SIRPB2: variants seen among roughly 807,000 people sequenced by gnomAD.
SIRPB2 encodes signal-regulatory protein beta-2.
SIRPB2 carries 18 observed loss-of-function variants against 27.1 expected under a neutral mutation model. The observed-to-expected ratio is 0.66, with a 90% CI of 0.46 to 0.98. The LOEUF (loss-of-function observed/expected upper bound fraction) is 0.98. Among genes scored for constraint, SIRPB2 ranks in the 50% least tolerant of loss-of-function variants. The pLI, the probability that SIRPB2 is intolerant of heterozygous loss-of-function variation, is 0.00. For synonymous variants in SIRPB2, 150 were observed against 164.6 expected, an observed-to-expected ratio of 0.91 and a Z score of 0.68; for missense variants, 420 against 417.4, an observed-to-expected ratio of 1.01 and a Z score of -0.06.
intron 1 of SIRPB2, among the ~76,000 whole-genome samples, chr20:1,488,578 A>T (rs1326672527): frequency 6.6e-6 from 1 of 151,992 alleles, no homozygotes; most frequent in East Asian, 1.9e-4. Context: ...AGCCAGGGAG[A>T]TGGAGGTTGC....
Position 1,475,852 on chromosome 20 carries a change from T to G in SIRPB2, c.*315A>C. ...GTTGGATGTTGGAGGCCAAGAAGGA[T>G]GTAGCGAGGTGGGGAAAGGGGCAGG... On this transcript the variant is annotated 3_prime_UTR_variant, in exon 5 of 5. Coordinates refer to ENST00000359801, the MANE Select transcript of SIRPB2 (RefSeq NM_001122962.2). 1 of 259,004 alleles carries G rather than the reference T, an allele frequency of 3.9e-6. No individual in the cohort carries two copies. The highest frequency in any genetic ancestry group is 7.4e-6 in the Non-Finnish European group (1 of 134,994). The allele number at this position is 259,004 out of a possible 1,614,324, so 16.0% of individuals were successfully genotyped here.
chr20:1,479,248 G>A (rs914567669), intron 2 of SIRPB2: 1 of 185,540 alleles, frequency 5.4e-6, no homozygotes, highest in South Asian at 1.1e-4. Context: ...GGGGAGTGTG[G>A]TAGATGACAT....
intron 1 of SIRPB2, among the ~76,000 whole-genome samples, chr20:1,490,222 G>A (rs1306811648): frequency 6.6e-6 from 1 of 152,202 alleles, no homozygotes; most frequent in East Asian, 1.9e-4. Context: ...AATCAGCTTA[G>A]AGAATTGAAG....
chr20:1,471,837 G>C (rs1212291993), downstream of SIRPB2, among the ~76,000 whole-genome samples: 1 of 152,188 alleles, frequency 6.6e-6, no homozygotes, highest in East Asian at 1.9e-4. Flanking sequence ...GAAATGGAGG[G>C]TCCTCGAGCC....
intron 1 of SIRPB2, among the ~76,000 whole-genome samples, chr20:1,485,672 C>CACACACACACACACACACACAG (rs1309151106): frequency 1.3e-5 from 2 of 150,970 alleles, no homozygotes; most frequent in African/African-American, 4.9e-5. Context: ...CACACACACA[C>CACACACACACACACACACACAG]AGAAAAAATC....
At position 1,474,997 on chromosome 20, in the gene SIRPB2, G is replaced by A. The variant is rs2090595396; in HGVS notation, c.*1170C>T. ...AGGAGGCAGAGGCCTCAGGGTTAAA[G>A]GCAGGTGTGTCTGACTCCTGGGCAT... On this transcript the variant is annotated 3_prime_UTR_variant, in exon 5 of 5. Transcript: ENST00000359801. 1 of 152,290 alleles carries A rather than the reference G, an allele frequency of 6.6e-6. No homozygotes were observed. Among genetic ancestry groups the A allele is most frequent in the African/African-American group, 2.4e-5 (1 of 41,438 alleles). 9.4% of individuals were successfully genotyped at this position (152,290 alleles called of 1,614,324 possible).
chr20:1,486,076 CT>C (rs200298743), intron 1 of SIRPB2, among the ~76,000 whole-genome samples: 2,700 of 141,410 alleles, frequency 0.019, 69 homozygotes, highest in East Asian at 0.12. Context: ...CTTTTCTTTT[CT>C]TTTTTTTTTT....
intron 1 of SIRPB2, among the ~76,000 whole-genome samples, chr20:1,486,349 A>C (rs527770138): frequency 6.6e-6 from 1 of 152,244 alleles, no homozygotes; most frequent in Admixed American, 6.5e-5. Context: ...CTGGGATTGC[A>C]GGCATGAGTC....
At position 1,478,729 on chromosome 20, in the gene SIRPB2, T is replaced by C. The variant is rs529175467; in HGVS notation, c.452-122A>G. The C allele has an allele frequency of 2.5e-4, 199 of 787,360 alleles. No individual in the cohort carries two copies. The African/African-American group carries it at 3.1e-3, about 12-fold the overall frequency. 48.8% of individuals were successfully genotyped at this position (787,360 alleles called of 1,614,324 possible). The stretch of plus-strand genomic sequence containing the variant: ...ATTTCTTCACTCAGCCACTCCTTCC[T>C]GCTTTCTTTATTACTCACCAGTTGA... On this transcript the variant is annotated intron_variant, in intron 2 of 4. Transcript: ENST00000359801.
chr20:1,482,253 C>T (rs183319566), intron 1 of SIRPB2, among the ~76,000 whole-genome samples: 54 of 152,216 alleles, frequency 3.5e-4, no homozygotes, highest in African/African-American at 1.3e-3. Flanking sequence ...TGCAGGTCCT[C>T]TTTCCTAGCT....
intron 1 of SIRPB2, among the ~76,000 whole-genome samples, chr20:1,482,095 T>C (rs1487551717): frequency 6.6e-6 from 1 of 152,190 alleles, no homozygotes; most frequent in Non-Finnish European, 1.5e-5. Flanking sequence ...CATTCTATTG[T>C]GAGGCTTCTA....
At chr20:1,487,991 AG>A (rs2090742831) in intron 1 of SIRPB2, among the ~76,000 whole-genome samples, 1 of 152,236 alleles carries the variant, frequency 6.6e-6, no homozygotes, top group South Asian at 2.1e-4. Context: ...TACAACTTCT[AG>A]CTGCAAACAT....
Position 1,476,210 on chromosome 20 carries a change from G to C in SIRPB2, c.986C>G (p.Ala329Gly), listed in dbSNP as rs778783169. 2 of 1,614,104 alleles carry C rather than the reference G, an allele frequency of 1.2e-6. No homozygotes were observed. The highest frequency in any genetic ancestry group is 1.3e-5 in the African/African-American group (1 of 75,042). ...CCATGCTAAGGTGTTCATGGCTCCTGCTGGGCCTGTGGTCTTGACATCTTC... is the reference window on the plus strand; with the variant it reads ...CCATGCTAAGGTGTTCATGGCTCCTCCTGGGCCTGTGGTCTTGACATCTTC... ...GQEDVKTTGP[A>G]GAMNTLAWSK... The change falls in exon 5 of 5, where the codon GCA (alanine) becomes GGA (glycine). Residue 329 changes from alanine to glycine, a missense_variant. By Grantham distance (60) the Ala-to-Gly change is moderately conservative. Coordinates refer to ENST00000359801, the MANE Select transcript of SIRPB2 (RefSeq NM_001122962.2).
intron 1 of SIRPB2, among the ~76,000 whole-genome samples, chr20:1,486,501 T>C (rs1339773075): frequency 6.6e-6 from 1 of 152,180 alleles, no homozygotes; most frequent in East Asian, 1.9e-4. Flanking sequence ...CGAAGCCTTT[T>C]CCTTTCGAGA....
intron 2 of SIRPB2, 136 bp from the exon 3 acceptor site, chr20:1,478,743 C>T (rs1462974999): frequency 2.9e-6 from 2 of 694,252 alleles, no homozygotes; most frequent in Non-Finnish European, 4.7e-6. Context: ...TTCTTTATTA[C>T]TCACCAGTTG....
At chr20:1,488,491 C>A (rs2090748047) in intron 1 of SIRPB2, among the ~76,000 whole-genome samples, 2 of 151,870 alleles carry the variant, frequency 1.3e-5, no homozygotes, top group South Asian at 2.1e-4. Flanking sequence ...ACCAGACAAC[C>A]ACAAAAATTA....
downstream of SIRPB2, chr20:1,473,388 GCACACA>G (rs945742567): frequency 1.3e-5 from 1 of 78,554 alleles, no homozygotes; most frequent in African/African-American, 9.1e-5. Context: ...ATGCACACAC[GCACACA>G]CACGCACACA....
intron 1 of SIRPB2, among the ~76,000 whole-genome samples, chr20:1,489,081 G>A (rs566060652): frequency 7.2e-5 from 11 of 152,106 alleles, no homozygotes; most frequent in Admixed American, 3.9e-4. Flanking sequence ...ATAATTATGC[G>A]GAGTAAAAGA....
chr20:1,487,317 A>G (rs2090736138), intron 1 of SIRPB2, among the ~76,000 whole-genome samples: 1 of 152,246 alleles, frequency 6.6e-6, no homozygotes, highest in African/African-American at 2.4e-5. Flanking sequence ...CTAAATAAAT[A>G]GAGAGGTACA....
Sources: gnomAD v4.1 joint callset for allele counts (sites outside exome capture counted in the v4.1 genomes callset) on GRCh38, gnomAD v4.1.1 for gene constraint, MANE v1.5 for transcripts, NCBI Gene and HGNC (gene_info 2026-07-23, HGNC 2026-07-21) for gene names.